Variants in RASGEF1B observed in about 807,000 individuals in gnomAD.
RASGEF1B encodes RasGEF domain family member 1B, also known as ras-GEF domain-containing family member 1B.
In RASGEF1B, 30 loss-of-function variants were observed where a neutral mutation model predicts 65.7. The ratio of observed to expected loss-of-function variants is 0.46; its 90% confidence interval spans 0.34 to 0.62. RASGEF1B has a LOEUF of 0.62. RASGEF1B is among the 20% of genes least tolerant of loss of function. The pLI, the probability that RASGEF1B is intolerant of heterozygous loss-of-function variation, is 0.01. For missense variants in RASGEF1B, 495 were observed against 580.1 expected (o/e 0.85, Z 1.51); for synonymous variants, 175 against 194.8 (o/e 0.90, Z 0.85).
chr4:81,451,107 T>C (rs1722242864), intron 4 of RASGEF1B: 1 of 151,996 alleles, frequency 6.6e-6, no homozygotes, highest in Non-Finnish European at 1.5e-5. Flanking sequence ...AAGTGCAGAG[T>C]AGAAAATACA....
chr4:81,440,794 G>C (rs1364280447), intron 10 of RASGEF1B, 40 bp downstream of exon 10: 2 of 1,337,864 alleles, frequency 1.5e-6, no homozygotes, highest in Non-Finnish European at 2.1e-6. Flanking sequence ...ATAAAACACA[G>C]CAACTCTACC....
intron 11 of RASGEF1B, 49 bp from the exon 12 acceptor site, chr4:81,434,012 T>C (rs1721524530): frequency 6.5e-7 from 1 of 1,540,398 alleles, no homozygotes; most frequent in South Asian, 1.1e-5. Flanking sequence ...AAAAAAATAA[T>C]TATGAGTTTG....
At chr4:81,439,216 A>C (rs936995090) in intron 10 of RASGEF1B, among the ~76,000 whole-genome samples, 4 of 152,142 alleles carry the variant, frequency 2.6e-5, no homozygotes, top group African/African-American at 9.7e-5. Context: ...TCCCAACAAC[A>C]GTGTAAATGT....
intron 4 of RASGEF1B, among the ~76,000 whole-genome samples, chr4:81,449,458 T>A (rs1442363814): frequency 6.6e-6 from 1 of 152,210 alleles, no homozygotes; most frequent in Non-Finnish European, 1.5e-5. Context: ...ACAGCTATGA[T>A]ATAAGTTGCA....
At chr4:81,429,410 T>C (rs1721339194) in intron 13 of RASGEF1B, among the ~76,000 whole-genome samples, 1 of 151,540 alleles carries the variant, frequency 6.6e-6, no homozygotes, top group African/African-American at 2.4e-5. Context: ...GATACGGGAG[T>C]GCTGGGAGGG....
At chr4:81,449,659 T>C (rs989430159) in intron 4 of RASGEF1B, among the ~76,000 whole-genome samples, 3 of 152,216 alleles carry the variant, frequency 2.0e-5, no homozygotes, top group Non-Finnish European at 2.9e-5. Flanking sequence ...TATGGCTCCA[T>C]TGGCTTTTAA....
At chr4:81,471,455 C>T (rs1393042973) in intron 1 of RASGEF1B, among the ~76,000 whole-genome samples, 2 of 152,230 alleles carry the variant, frequency 1.3e-5, no homozygotes, top group Non-Finnish European at 2.9e-5. Flanking sequence ...CCTGGCCCTG[C>T]CCGGGTCCCA....
chr4:81,435,629 C>T (rs981982157), intron 10 of RASGEF1B, among the ~76,000 whole-genome samples: 11 of 149,096 alleles, frequency 7.4e-5, no homozygotes, highest in South Asian at 4.3e-4. Flanking sequence ...CCATCATGCC[C>T]GGCTAATTTT....
At chr4:81,466,952 A>AG (rs11422429) in intron 1 of RASGEF1B, among the ~76,000 whole-genome samples, 7,983 of 149,512 alleles carry the variant, frequency 0.053, 797 homozygotes, top group African/African-American at 0.18. Context: ...AAAAAAAAAA[A>AG]AAAGAAAAAA....
Position 81,448,122 on chromosome 4 carries a change from T to C in RASGEF1B, c.601A>G (p.Thr201Ala). Residue 201 changes from threonine (T) to alanine (A), a missense_variant, in exon 5 of 14, where the codon ACT (threonine) becomes GCT (alanine). Transcript: ENST00000264400. Reference protein sequence around the residue: ...KPQSIQRDIITVCNDPYTLAQ... With the variant: ...KPQSIQRDIIAVCNDPYTLAQ... ...AACGTGTAAGGGTCGTTGCAGACAG[T>C]AATGATATCCCTTTGTATAGACTGT... The C allele has an allele frequency of 6.2e-7, 1 of 1,614,206 alleles. No homozygotes were observed. The highest frequency in any genetic ancestry group is 1.1e-5 in the South Asian group (1 of 91,086).
At position 81,466,770 on chromosome 4, in the gene RASGEF1B, A is replaced by AAAAAAG. The variant is rs748492254; in HGVS notation, c.-7+4999_-7+5000insCTTTTT. 3.8e-3 allele frequency among the ~76,000 whole-genome samples: 138 copies of AAAAAAG among 36,096 alleles called. 3 individuals are homozygous for AAAAAAG. The highest frequency in any genetic ancestry group is 7.6e-3 in the South Asian group (7 of 926). The allele number at this position is 36,096 out of a possible 152,430, so 23.7% of individuals were successfully genotyped here. ...CAAGCCTCCATGTCAAAAAAAAAAA[A>AAAAAAG]AAAGAAAGAAAGAAAGAAAGAAAGA... On this transcript the variant is annotated intron_variant, in intron 1 of 13. Transcript: ENST00000264400.
At chr4:81,436,580 A>C (rs114236456) in intron 10 of RASGEF1B, among the ~76,000 whole-genome samples, 1 of 152,194 alleles carries the variant, frequency 6.6e-6, no homozygotes, top group South Asian at 2.1e-4. Flanking sequence ...ATTTTCTCTC[A>C]AATGTCAACA....
At chr4:81,433,465 G>A (rs574965649) in intron 12 of RASGEF1B, among the ~76,000 whole-genome samples, 3 of 152,066 alleles carry the variant, frequency 2.0e-5, no homozygotes, top group Middle Eastern at 3.4e-3. Flanking sequence ...ACGGCAGGGG[G>A]TAGCAATTTA....
chr4:81,453,250 A>C (rs904159019), intron 4 of RASGEF1B: 2 of 152,154 alleles, frequency 1.3e-5, no homozygotes, highest in Admixed American at 1.3e-4. Context: ...ACAAGCAATA[A>C]AAATGCAAGT....
At chr4:81,435,344 G>T (rs1268597635) in intron 10 of RASGEF1B, among the ~76,000 whole-genome samples, 1 of 148,848 alleles carries the variant, frequency 6.7e-6, no homozygotes. Context: ...CCGGGAAGCG[G>T]AGCTTGCAGT....
At chr4:81,466,756 GTC>G (rs1722824328) in intron 1 of RASGEF1B, among the ~76,000 whole-genome samples, 1 of 5,408 alleles carries the variant, frequency 1.8e-4, no homozygotes, top group African/African-American at 5.3e-4. Context: ...AAGCCTCCAT[GTC>G]AAAAAAAAAA....
chr4:81,441,013 T>C, intron 9 of RASGEF1B, 84 bp from the exon 10 acceptor site: 1 of 883,222 alleles, frequency 1.1e-6, no homozygotes. Flanking sequence ...TATTTAGCTA[T>C]ATACAAAATT....
intron 12 of RASGEF1B, 75 bp downstream of exon 12, chr4:81,433,765 C>A (rs1373706289): frequency 5.3e-6 from 8 of 1,507,596 alleles, no homozygotes; most frequent in Non-Finnish European, 7.3e-6. Flanking sequence ...ATATGAGTAA[C>A]CAAGCATTTC....
rs370798869 is a variant in RASGEF1B, at chr4:81,433,878, A to G, written c.1286T>C (p.Leu429Ser). The change falls in exon 12 of 14, where the codon TTG (leucine) becomes TCG (serine). Residue 429 changes from leucine to serine, a missense_variant. Physicochemically the swap from Leu to Ser is moderately radical, Grantham distance 145. Transcript: ENST00000264400. ...ECPFERDRKI[L>S]QYLLTVPVFS... ...GACTGGTACTGTGAGCAGATACTGCAAGATCTTCCGGTCCCTCTCAAATGG... is the reference window on the plus strand; with the variant it reads ...GACTGGTACTGTGAGCAGATACTGCGAGATCTTCCGGTCCCTCTCAAATGG... The G allele has an allele frequency of 9.3e-6, 15 of 1,613,960 alleles. No homozygotes were observed. The African/African-American group carries it at 2.0e-4, about 22-fold the overall frequency.
Sources: allele counts gnomAD v4.1 joint callset (sites outside exome capture counted in the v4.1 genomes callset), GRCh38; gene constraint gnomAD v4.1.1; transcripts MANE v1.5; gene names NCBI Gene and HGNC (gene_info 2026-07-23, HGNC 2026-07-21).